The following ABCA13 variants were observed in gnomAD, a reference collection of about 807,000 sequenced individuals.
ABCA13 encodes ATP binding cassette subfamily A member 13.
Under a neutral mutation model 478.7 loss-of-function variants are expected in ABCA13, and 476 were observed. The observed-to-expected ratio is 0.99, with a 90% confidence interval of 0.92 to 1.07. The LOEUF (loss-of-function observed/expected upper bound fraction) is 1.07, where lower values mean the gene tolerates loss of function less well. Ranked by LOEUF, ABCA13 falls within the 50% of genes least tolerant of loss-of-function variation. ABCA13 has a pLI of 0.00. For missense variants in ABCA13, 6,060 were observed against 5,910.6 expected, an observed-to-expected ratio of 1.03 and a Z score of -0.83; for synonymous variants, 2,252 against 2,158.9, an observed-to-expected ratio of 1.04 and a Z score of -1.20.
At chr7:48,312,883 CA>C (rs1801975075) in intron 24 of ABCA13, among the ~76,000 whole-genome samples, 183 bp from the exon 25 acceptor site, 1 of 152,146 alleles carries the variant, frequency 6.6e-6, no homozygotes, top group Non-Finnish European at 1.5e-5. Flanking sequence ...CAGTGTGCTC[CA>C]AAACACATGA....
rs542082591 is a variant in ABCA13, at chr7:48,243,540, C to A, written c.1263-1036C>A. Among the ~76,000 whole-genome samples the A allele has an allele frequency of 2.0e-5, 3 of 152,156 alleles. No homozygotes were observed. The South Asian group carries it at 6.2e-4, about 32-fold the overall frequency. On this transcript the variant is annotated intron_variant, in intron 10 of 61. Transcript: ENST00000435803. ...ATTGCTCCGCCTTGTAGGGTGATGA[C>A]GTGGGGATGGGTACCAGTTCCTGCT...
At chr7:48,487,277 T>C (rs1829397126) in intron 47 of ABCA13, among the ~76,000 whole-genome samples, 1 of 150,024 alleles carries the variant, frequency 6.7e-6, no homozygotes, top group African/African-American at 2.5e-5. Flanking sequence ...GCCATTGCAT[T>C]CCAGCCTGGG....
At chr7:48,294,864 T>C (rs1219809194) in intron 20 of ABCA13, among the ~76,000 whole-genome samples, 2 of 152,266 alleles carry the variant, frequency 1.3e-5, no homozygotes, top group Non-Finnish European at 2.9e-5. Context: ...TCATCCATGT[T>C]GCTGCCAGTG....
chr7:48,383,222 A>C (rs111689495), intron 35 of ABCA13, among the ~76,000 whole-genome samples: 159 of 152,350 alleles, frequency 1.0e-3, no homozygotes, highest in African/African-American at 3.6e-3. Flanking sequence ...CCATTGCAAG[A>C]AACTGGTGAC....
chr7:48,187,067 C>T (rs891448104), intron 1 of ABCA13, among the ~76,000 whole-genome samples: 13 of 147,510 alleles, frequency 8.8e-5, no homozygotes, highest in African/African-American at 3.0e-4. Context: ...CAGTCCCTGT[C>T]TCTCTATATA....
intron 42 of ABCA13, among the ~76,000 whole-genome samples, chr7:48,438,555 G>A (rs7804872): frequency 0.62 from 92,970 of 151,132 alleles, 29,355 homozygotes; most frequent in African/African-American, 0.77. Flanking sequence ...AGAAGGTTCT[G>A]TAATCACATA....
intron 39 of ABCA13, among the ~76,000 whole-genome samples, chr7:48,406,319 T>A (rs1430900326): frequency 6.6e-6 from 1 of 152,208 alleles, no homozygotes; most frequent in African/African-American, 2.4e-5. Context: ...CCTGCAGAAA[T>A]GATCAAATGC....
rs923981834 is a variant in ABCA13, at chr7:48,335,349, A to C, written c.10000-73A>C. 7.1e-6 allele frequency: 8 copies of C among 1,132,498 alleles called. No homozygotes were observed. The East Asian group carries it at 1.3e-4, about 18-fold the overall frequency. The allele number at this position is 1,132,498 out of a possible 1,614,324, so 70.2% of individuals were successfully genotyped here. ...TTGCTCTGGTGGCCACATCATATAC[A>C]GTCCTTGTTGGAAGATTTATCTTAA... On this transcript the variant is annotated intron_variant, in intron 27 of 61. Coordinates refer to ENST00000435803, the MANE Select transcript of ABCA13 (RefSeq NM_152701.5).
At chr7:48,539,895 A>G (rs1041886839) in intron 55 of ABCA13, among the ~76,000 whole-genome samples, 3 of 152,210 alleles carry the variant, frequency 2.0e-5, no homozygotes, top group African/African-American at 4.8e-5. Flanking sequence ...GCTACATGCT[A>G]TATCTGTTTC....
chr7:48,611,484 G>A (rs771293357), intron 58 of ABCA13, among the ~76,000 whole-genome samples: 7 of 152,232 alleles, frequency 4.6e-5, no homozygotes, highest in East Asian at 1.9e-4. Context: ...ACAGGCTCAC[G>A]GTTCCACAGG....
intron 11 of ABCA13, 38 bp from the exon 12 acceptor site, chr7:48,245,474 A>G: frequency 6.5e-7 from 1 of 1,532,782 alleles, no homozygotes; most frequent in Non-Finnish European, 8.9e-7. Context: ...AAGCTTACTT[A>G]CCTTAGGTGA....
intron 15 of ABCA13, among the ~76,000 whole-genome samples, chr7:48,260,798 G>T (rs1240131390): frequency 6.6e-6 from 1 of 151,922 alleles, no homozygotes; most frequent in Non-Finnish European, 1.5e-5. Context: ...AGAGCCAGGG[G>T]TCACTCTCTG....
At chr7:48,457,657 T>C (rs1338165493) in intron 43 of ABCA13, among the ~76,000 whole-genome samples, 1 of 152,242 alleles carries the variant, frequency 6.6e-6, no homozygotes, top group African/African-American at 2.4e-5. Context: ...ATAATGTTAC[T>C]TAACTTATGA....
chr7:48,341,081 A>T (rs6974064), intron 29 of ABCA13, among the ~76,000 whole-genome samples: 27,482 of 152,144 alleles, frequency 0.18, 2,845 homozygotes, highest in East Asian at 0.32. Context: ...CCATTTTAGT[A>T]GTTATAAAAC....
At chr7:48,202,036 G>C (rs893055171) in intron 3 of ABCA13, among the ~76,000 whole-genome samples, 1 of 151,952 alleles carries the variant, frequency 6.6e-6, no homozygotes, top group Admixed American at 6.5e-5. Context: ...GGTCTCGCTG[G>C]TATCAGGAGT....
At chr7:48,221,203 A>C in intron 4 of ABCA13, 78 bp from the exon 5 acceptor site, 1 of 730,648 alleles carries the variant, frequency 1.4e-6, no homozygotes, top group Non-Finnish European at 2.3e-6. Context: ...ATTTGACTTT[A>C]GAATTAAAAG....
intron 34 of ABCA13, among the ~76,000 whole-genome samples, chr7:48,375,545 T>C (rs1813332147): frequency 6.6e-6 from 1 of 152,202 alleles, no homozygotes; most frequent in Admixed American, 6.5e-5. Context: ...TTGCTTATAT[T>C]GAGAATTTGA....
At chr7:48,244,102 G>T (rs933993805) in intron 10 of ABCA13, among the ~76,000 whole-genome samples, 2 of 152,194 alleles carry the variant, frequency 1.3e-5, no homozygotes. Flanking sequence ...TGAGCTGCCT[G>T]GGTGGTCGTT....
intron 48 of ABCA13, among the ~76,000 whole-genome samples, chr7:48,492,136 C>G (rs1408248945): frequency 2.0e-5 from 3 of 152,158 alleles, no homozygotes; most frequent in African/African-American, 4.8e-5. Flanking sequence ...GGCCCTTTCT[C>G]TCTAGGAGAC....
Sources: gnomAD v4.1 joint callset for allele counts (sites outside exome capture counted in the v4.1 genomes callset) on GRCh38, gnomAD v4.1.1 for gene constraint, MANE v1.5 for transcripts, NCBI Gene and HGNC (gene_info 2026-07-23, HGNC 2026-07-21) for gene names.